The following TYW1 variants were observed in gnomAD, a reference collection of about 807,000 sequenced individuals.
TYW1 encodes the protein S-adenosyl-L-methionine-dependent tRNA 4-demethylwyosine synthase TYW1.
Under a neutral mutation model 96.2 loss-of-function variants are expected in TYW1, and 46 were observed. The observed-to-expected ratio is 0.48, with a 90% confidence interval of 0.38 to 0.61. The LOEUF is 0.61. TYW1 is among the 20% of genes least tolerant of loss of function. TYW1 has a pLI of 0.00. For missense variants in TYW1, 684 were observed against 909.6 expected, an observed-to-expected ratio of 0.75 and a Z score of 3.19; for synonymous variants, 274 against 323.0, an observed-to-expected ratio of 0.85 and a Z score of 1.63.
chr7:67,107,329 G>A (rs138008067), intron 12 of TYW1, among the ~76,000 whole-genome samples: 193 of 152,198 alleles, frequency 1.3e-3, no homozygotes, highest in African/African-American at 4.3e-3. Context: ...GAAGTTCCCC[G>A]ACCCCCAGCC....
chr7:67,163,472 T>C (rs1799224626), intron 13 of TYW1, among the ~76,000 whole-genome samples: 1 of 152,126 alleles, frequency 6.6e-6, no homozygotes, highest in Admixed American at 6.5e-5. Flanking sequence ...TCCTGCACAC[T>C]AACCAAGTTG....
intron 13 of TYW1, among the ~76,000 whole-genome samples, chr7:67,138,442 A>G (rs1268316187): frequency 2.6e-5 from 4 of 152,154 alleles, no homozygotes; most frequent in African/African-American, 4.8e-5. Context: ...TGTGGTATCT[A>G]TCCCCTCCAG....
intron 11 of TYW1, among the ~76,000 whole-genome samples, chr7:67,098,122 T>C (rs1285540426): frequency 2.0e-5 from 3 of 152,178 alleles, no homozygotes; most frequent in Non-Finnish European, 4.4e-5. Flanking sequence ...CCTATACAGC[T>C]TTGGACCAAC....
chr7:67,149,722 A>ATATCTATCTATCTTTC (rs1554376828), intron 13 of TYW1, among the ~76,000 whole-genome samples: 1 of 140,120 alleles, frequency 7.1e-6, no homozygotes, highest in Non-Finnish European at 1.6e-5. Context: ...AGGAAAAAAA[A>ATATCTATCTATCTTTC]TATCTATCTA....
intron 10 of TYW1, among the ~76,000 whole-genome samples, chr7:67,071,906 G>A (rs1796041951): frequency 6.6e-6 from 1 of 151,836 alleles, no homozygotes; most frequent in African/African-American, 2.4e-5. Context: ...ACAGACTTGA[G>A]CCACCATACC....
At chr7:67,167,080 C>G (rs925956284) in intron 13 of TYW1, among the ~76,000 whole-genome samples, 1 of 152,182 alleles carries the variant, frequency 6.6e-6, no homozygotes, top group Non-Finnish European at 1.5e-5. Context: ...TATGTCTTCT[C>G]TCTCCATTGC....
intron 3 of TYW1, among the ~76,000 whole-genome samples, chr7:67,001,758 C>A (rs774277022): frequency 2.7e-5 from 4 of 148,028 alleles, no homozygotes; most frequent in Non-Finnish European, 6.0e-5. Flanking sequence ...CTTGGCCTGG[C>A]GTGGTGGCTC....
chr7:67,058,327 A>G (rs1281743585), intron 9 of TYW1, among the ~76,000 whole-genome samples: 1 of 152,186 alleles, frequency 6.6e-6, no homozygotes, highest in Non-Finnish European at 1.5e-5. Context: ...TAGTTTTGAT[A>G]CAGAAGTTAT....
intron 7 of TYW1, among the ~76,000 whole-genome samples, chr7:67,044,521 A>G (rs1795128541): frequency 6.6e-6 from 1 of 152,116 alleles, no homozygotes; most frequent in African/African-American, 2.4e-5. Context: ...TATTCAACCA[A>G]CATTTACTGA....
At chr7:67,022,207 C>T (rs1038282692) in intron 6 of TYW1, among the ~76,000 whole-genome samples, 3 of 152,122 alleles carry the variant, frequency 2.0e-5, no homozygotes, top group African/African-American at 7.2e-5. Context: ...GCCACTGCAC[C>T]CAGCTTGTTT....
At position 66,998,901 on chromosome 7, in the gene TYW1, A is replaced by G; in HGVS notation, c.220A>G (p.Ile74Val). The G allele has an allele frequency of 6.2e-7, 1 of 1,614,164 alleles. No individual in the cohort carries two copies. The highest frequency in any genetic ancestry group is 8.5e-7 in the Non-Finnish European group (1 of 1,180,012). The change falls in exon 3 of 16, where the codon ATC becomes GTC. Residue 74 changes from isoleucine to valine, a missense_variant. Physicochemically the swap from Ile to Val is conservative, Grantham distance 29. Transcript: ENST00000359626. The part of the protein sequence containing the change: ...NGYVSLQEKD[I>V]FVSGVKIFYG... ...TTATGTCTCCCTTCAAGAGAAAGAC[A>G]TCTTTGTGTCTGGAGTGAAGATTTT...
At chr7:67,223,626 G>A (rs191208460) in intron 15 of TYW1, among the ~76,000 whole-genome samples, 1 of 150,398 alleles carries the variant, frequency 6.6e-6, no homozygotes, top group Non-Finnish European at 1.5e-5. Flanking sequence ...TTGGCACCCT[G>A]ACTGGCTGCC....
chr7:67,183,797 CTTATT>C (rs1584666606), intron 14 of TYW1, among the ~76,000 whole-genome samples: 1 of 151,920 alleles, frequency 6.6e-6, no homozygotes, highest in African/African-American at 2.4e-5. Flanking sequence ...GATTTCTACT[CTTATT>C]TTATTTACTT....
chr7:67,115,728 C>T (rs954579568), intron 12 of TYW1, among the ~76,000 whole-genome samples: 1 of 152,142 alleles, frequency 6.6e-6, no homozygotes, highest in African/African-American at 2.4e-5. Context: ...ATCTTACACT[C>T]AAAGATTGAT....
intron 15 of TYW1, among the ~76,000 whole-genome samples, chr7:67,214,566 T>A (rs7784131): frequency 0.092 from 14,074 of 152,210 alleles, 910 homozygotes; most frequent in Non-Finnish European, 0.14. Context: ...GGGGACATCC[T>A]TGCCTTATTA....
chr7:67,089,967 C>G (rs1166893779), intron 11 of TYW1, among the ~76,000 whole-genome samples: 1 of 152,178 alleles, frequency 6.6e-6, no homozygotes, highest in Non-Finnish European at 1.5e-5. Context: ...ATTTTCCACC[C>G]GTTCAGCAAA....
chr7:67,104,016 T>C (rs1797167553), intron 12 of TYW1, among the ~76,000 whole-genome samples: 1 of 152,110 alleles, frequency 6.6e-6, no homozygotes, highest in Non-Finnish European at 1.5e-5. Context: ...TTATTTTTTA[T>C]TTTTTTAATT....
chr7:67,002,542 T>G (rs1351514387), intron 3 of TYW1, among the ~76,000 whole-genome samples: 1 of 152,232 alleles, frequency 6.6e-6, no homozygotes, highest in African/African-American at 2.4e-5. Context: ...GACTTGATTA[T>G]TTTGTTTCTG....
chr7:67,186,271 CCG>C, intron 14 of TYW1, among the ~76,000 whole-genome samples: 1 of 69,246 alleles, frequency 1.4e-5, no homozygotes, highest in Non-Finnish European at 2.7e-5. Context: ...TTCTTCCCCC[CCG>C]CCCCACCTCT....
Sources: gnomAD v4.1 joint callset for allele counts (sites outside exome capture counted in the v4.1 genomes callset) on GRCh38, gnomAD v4.1.1 for gene constraint, MANE v1.5 for transcripts, NCBI Gene and HGNC (gene_info 2026-07-23, HGNC 2026-07-21) for gene names.